Variants in C9orf153 observed in about 807,000 individuals in gnomAD.
The protein encoded by C9orf153 is chromosome 9 open reading frame 153.
Under a neutral mutation model 9.0 loss-of-function variants are expected in C9orf153, and 10 were observed. The ratio of observed to expected loss-of-function variants is 1.11; its 90% CI spans 0.69 to 1.89. The LOEUF is 1.89. C9orf153 is among the 40% of genes most tolerant of loss of function. The probability of loss-of-function intolerance (pLI) is 0.00; values close to 1 mark genes in which losing one functional copy is unlikely to be tolerated. For synonymous variants in C9orf153, 35 were observed against 37.3 expected (o/e 0.94, Z 0.23); for missense variants, 108 against 111.0 (o/e 0.97, Z 0.12).
intron 1 of C9orf153, among the ~76,000 whole-genome samples, chr9:86,252,860 C>T (rs995074898): frequency 2.0e-5 from 3 of 152,188 alleles, no homozygotes; most frequent in Non-Finnish European, 4.4e-5. Flanking sequence ...ATGAAGATTG[C>T]TAACCCAACA....
intron 1 of C9orf153, among the ~76,000 whole-genome samples, chr9:86,242,150 T>C (rs754840063): frequency 2.7e-4 from 41 of 152,166 alleles, no homozygotes; most frequent in Admixed American, 1.8e-3. Context: ...GAGGTGACAC[T>C]GAGCCCTGAG....
chr9:86,243,439 T>C (rs1311127091), intron 1 of C9orf153, among the ~76,000 whole-genome samples: 1 of 150,772 alleles, frequency 6.6e-6, no homozygotes, highest in Admixed American at 6.6e-5. Flanking sequence ...CTAAAACCCC[T>C]GAATTTTTTT....
intron 1 of C9orf153, among the ~76,000 whole-genome samples, chr9:86,236,369 T>C (rs1342093027): frequency 6.6e-6 from 1 of 151,742 alleles, no homozygotes; most frequent in Non-Finnish European, 1.5e-5. Context: ...GTCAACATGG[T>C]GAAACCGTGT....
chr9:86,253,012 T>C (rs772902335), intron 1 of C9orf153, among the ~76,000 whole-genome samples: 18 of 152,074 alleles, frequency 1.2e-4, no homozygotes, highest in Non-Finnish European at 2.2e-4. Flanking sequence ...TTTTAAGCTA[T>C]TGGGTAAAGT....
intron 3 of C9orf153, among the ~76,000 whole-genome samples, chr9:86,226,165 C>T (rs376883699): frequency 9.2e-5 from 14 of 152,118 alleles, no homozygotes; most frequent in African/African-American, 2.7e-4. Flanking sequence ...ACTTAGGCAA[C>T]GTAGGACTCT....
rs938998766 is a variant in C9orf153, at chr9:86,244,507, T to A, written c.-26-14878A>T. Among the ~76,000 whole-genome samples the A allele has an allele frequency of 2.0e-5, 3 of 152,252 alleles. No individual in the cohort carries two copies. In the East Asian group the frequency reaches 5.8e-4, roughly 29 times the overall value. ...AGTAGTGGTCATGGTAGGCACTGAA[T>A]ACGGCAGCAGATGTATGATAAAAAC... On this transcript the variant is annotated intron_variant, in intron 1 of 3. Coordinates refer to ENST00000339137, the MANE Select transcript of C9orf153 (RefSeq NM_001276366.4).
At chr9:86,236,819 G>A (rs933264839) in intron 1 of C9orf153, among the ~76,000 whole-genome samples, 5 of 151,282 alleles carry the variant, frequency 3.3e-5, no homozygotes, top group Non-Finnish European at 4.4e-5. Flanking sequence ...AATAATAGCA[G>A]GCTGGACTAG....
At chr9:86,252,400 T>C (rs890933725) in intron 1 of C9orf153, among the ~76,000 whole-genome samples, 6 of 152,238 alleles carry the variant, frequency 3.9e-5, no homozygotes, top group Non-Finnish European at 7.3e-5. Context: ...AGATTTTTGC[T>C]TTTTGAAATC....
chr9:86,251,165 A>G (rs567768973), intron 1 of C9orf153, among the ~76,000 whole-genome samples: 1 of 152,358 alleles, frequency 6.6e-6, no homozygotes, highest in Admixed American at 6.5e-5. Flanking sequence ...AAATTAAATA[A>G]TGGATATTCA....
intron 1 of C9orf153, among the ~76,000 whole-genome samples, chr9:86,234,902 G>C (rs1055158361): frequency 3.3e-5 from 5 of 152,140 alleles, no homozygotes; most frequent in Non-Finnish European, 7.4e-5. Flanking sequence ...CTTCTAGTGT[G>C]GCTTCTCCTC....
chr9:86,221,989 G>C (rs752999075), intron 3 of C9orf153, among the ~76,000 whole-genome samples: 109 of 152,206 alleles, frequency 7.2e-4, no homozygotes, highest in South Asian at 1.5e-3. Flanking sequence ...GGGTTCAAAT[G>C]ATTCTCCTGC....
intron 1 of C9orf153, among the ~76,000 whole-genome samples, chr9:86,231,770 T>C (rs1251918955): frequency 6.6e-6 from 1 of 152,180 alleles, no homozygotes; most frequent in Non-Finnish European, 1.5e-5. Context: ...TCTAGGCAAT[T>C]ACAATGAGAC....
intron 2 of C9orf153, 87 bp downstream of exon 2, chr9:86,229,451 C>T (rs1195498243): frequency 2.2e-6 from 2 of 902,220 alleles, no homozygotes; most frequent in East Asian, 5.0e-5. Context: ...CCAAGTGTGT[C>T]ACTGTGCGTT....
chr9:86,256,462 T>C (rs1342170668), intron 1 of C9orf153, among the ~76,000 whole-genome samples: 1 of 152,260 alleles, frequency 6.6e-6, no homozygotes, highest in Non-Finnish European at 1.5e-5. Context: ...TTGAATGTTA[T>C]TTAAGAACAT....
At chr9:86,228,263 C>G (rs190135246) in intron 2 of C9orf153, among the ~76,000 whole-genome samples, 15 of 152,248 alleles carry the variant, frequency 9.9e-5, no homozygotes, top group African/African-American at 3.4e-4. Flanking sequence ...ATTATTTAGA[C>G]ACGTCTTATA....
At chr9:86,236,958 A>G (rs1035864609) in intron 1 of C9orf153, among the ~76,000 whole-genome samples, 1 of 150,666 alleles carries the variant, frequency 6.6e-6, no homozygotes, top group Admixed American at 6.6e-5. Flanking sequence ...AAAAAAAAAC[A>G]AAATATAATG....
Position 86,250,780 on chromosome 9 carries a change from A to C in C9orf153, c.-27+8770T>G, listed in dbSNP as rs557030631. 2.4e-3 allele frequency among the ~76,000 whole-genome samples: 369 copies of C among 152,298 alleles called. 6 individuals are homozygous for C. The highest frequency in any genetic ancestry group is 1.6e-3 in the Non-Finnish European group (108 of 68,036). On this transcript the variant is annotated intron_variant, in intron 1 of 3. Transcript: ENST00000339137. The stretch of plus-strand genomic sequence containing the variant: ...TGCTACTGTGTTTGTTTATTTAATC[A>C]ATCAGAAGTTTCAGTGGTAACGTAG...
chr9:86,245,552 G>A (rs183144853), intron 1 of C9orf153, among the ~76,000 whole-genome samples: 3 of 152,190 alleles, frequency 2.0e-5, no homozygotes, highest in South Asian at 2.1e-4. Flanking sequence ...GATGTCCTCC[G>A]GGTTCATCCA....
chr9:86,229,199 T>C (rs1342725680), intron 2 of C9orf153, among the ~76,000 whole-genome samples: 1 of 151,216 alleles, frequency 6.6e-6, no homozygotes, highest in African/African-American at 2.4e-5. Context: ...ACCGATATCA[T>C]GAAATCTTTA....
Sources: allele counts gnomAD v4.1 joint callset (sites outside exome capture counted in the v4.1 genomes callset), GRCh38; gene constraint gnomAD v4.1.1; transcripts MANE v1.5; gene names NCBI Gene and HGNC (gene_info 2026-07-23, HGNC 2026-07-21).